The following RLN2 variants were observed in gnomAD, a reference collection of about 807,000 sequenced individuals.
RLN2 encodes relaxin 2, also known as prorelaxin H2.
Under a neutral mutation model 7.3 loss-of-function variants are expected in RLN2, and 10 were observed. The ratio of observed to expected loss-of-function variants is 1.36; its 90% CI spans 0.84 to 2.31. RLN2 has a LOEUF of 2.31. Ranked by LOEUF, RLN2 falls within the 30% of genes most tolerant of loss-of-function variation. The probability of loss-of-function intolerance (pLI) is 0.00; values close to 1 mark genes in which losing one functional copy is unlikely to be tolerated. For synonymous variants in RLN2, 103 were observed against 82.3 expected, an observed-to-expected ratio of 1.25 and a Z score of -1.36; for missense variants, 298 against 217.6, an observed-to-expected ratio of 1.37 and a Z score of -2.32.
chr9:5,333,818 A>G, the RLN2 span, among the ~76,000 whole-genome samples: 1 of 152,012 alleles, frequency 6.6e-6, no homozygotes, highest in East Asian at 1.9e-4. Flanking sequence ...AAGCTTATCC[A>G]CCCCAATCAA....
chr9:5,315,833 A>G, the RLN2 span, among the ~76,000 whole-genome samples: 2 of 152,070 alleles, frequency 1.3e-5, no homozygotes, highest in Non-Finnish European at 2.9e-5. Context: ...AGGTGAGAAT[A>G]CTATACTCAA....
At chr9:5,335,561 G>C in the RLN2 span, 1 of 1,610,694 alleles carries the variant, frequency 6.2e-7, no homozygotes. Flanking sequence ...GATAATTATA[G>C]TTTCTGTATC....
the RLN2 span, among the ~76,000 whole-genome samples, chr9:5,318,520 C>G: frequency 2.6e-3 from 400 of 151,890 alleles, 4 homozygotes; most frequent in Middle Eastern, 6.8e-3. Context: ...TGTTACTATA[C>G]CTTTCAAAGA....
At chr9:5,301,773 G>C (rs1478558663) in intron 1 of RLN2, among the ~76,000 whole-genome samples, 2 of 152,102 alleles carry the variant, frequency 1.3e-5, no homozygotes, top group African/African-American at 4.8e-5. Flanking sequence ...TCTGGCAAGA[G>C]ATTCAGTTGT....
At chr9:5,334,060 A>G in the RLN2 span, among the ~76,000 whole-genome samples, 6 of 152,062 alleles carry the variant, frequency 3.9e-5, no homozygotes, top group African/African-American at 1.5e-4. Flanking sequence ...CACAGCCAAT[A>G]GCATACTGAA....
chr9:5,304,837 G>T (rs1816214069), upstream of RLN2: 1 of 534,088 alleles, frequency 1.9e-6, no homozygotes, highest in African/African-American at 1.9e-5. Flanking sequence ...TCCTTCATTT[G>T]CCCATCCCTC....
At chr9:5,330,467 T>A in the RLN2 span, among the ~76,000 whole-genome samples, 2 of 151,090 alleles carry the variant, frequency 1.3e-5, no homozygotes, top group Admixed American at 1.3e-4. Context: ...TGAAACCCCA[T>A]CTCTACTAAA....
the RLN2 span, among the ~76,000 whole-genome samples, chr9:5,318,028 G>A: frequency 2.0e-5 from 3 of 151,852 alleles, no homozygotes; most frequent in African/African-American, 7.3e-5. Context: ...GTGTGTGTGT[G>A]TCTGTATACA....
chr9:5,335,840 T>A, the RLN2 span, among the ~76,000 whole-genome samples: 7 of 152,030 alleles, frequency 4.6e-5, no homozygotes, highest in African/African-American at 1.5e-4. Context: ...CTCTCTTCAT[T>A]ATCCCCTCAG....
At chr9:5,333,444 A>C in the RLN2 span, among the ~76,000 whole-genome samples, 6 of 152,182 alleles carry the variant, frequency 3.9e-5, no homozygotes, top group Non-Finnish European at 7.4e-5. Flanking sequence ...ACATTCCTGG[A>C]CACATACACC....
chr9:5,315,810 G>GA, the RLN2 span, among the ~76,000 whole-genome samples: 2 of 151,956 alleles, frequency 1.3e-5, no homozygotes, highest in African/African-American at 4.8e-5. Context: ...AGTGCTGAAA[G>GA]AAAAAAATTT....
In RLN2 at chr9:5,299,871, C is replaced by T. The variant is rs952654667; in HGVS notation, c.*227G>A. On this transcript the variant is annotated 3_prime_UTR_variant, in exon 2 of 2. Transcript: ENST00000381627. ...ATAAAAAGACAAAAAGGCTTTTCAG[C>T]AAAAAAATGTGTCATTTAATCACAC... 5.3e-6 allele frequency: 2 copies of T among 374,852 alleles called. No individual in the cohort carries two copies. The highest frequency in any genetic ancestry group is 8.3e-5 in the Admixed American group (2 of 23,998). 23.2% of individuals were successfully genotyped at this position (374,852 alleles called of 1,614,324 possible). A position where few individuals can be genotyped will look rare whatever the true frequency, so the allele number is the denominator to read the frequency against.
At chr9:5,313,204 C>G in the RLN2 span, among the ~76,000 whole-genome samples, 1 of 152,012 alleles carries the variant, frequency 6.6e-6, no homozygotes, top group Non-Finnish European at 1.5e-5. Flanking sequence ...ATATTGCACT[C>G]TATCTCTTCT....
At chr9:5,310,967 T>C in the RLN2 span, among the ~76,000 whole-genome samples, 1 of 152,132 alleles carries the variant, frequency 6.6e-6, no homozygotes, top group Non-Finnish European at 1.5e-5. Context: ...CTTCCTTTCT[T>C]GATTTAGATC....
the RLN2 span, among the ~76,000 whole-genome samples, chr9:5,337,429 G>C: frequency 1.3e-5 from 2 of 151,974 alleles, no homozygotes; most frequent in East Asian, 3.8e-4. Context: ...AAAATATTCT[G>C]TCTGAATTCA....
chr9:5,324,023 G>A, the RLN2 span, among the ~76,000 whole-genome samples: 1 of 151,656 alleles, frequency 6.6e-6, no homozygotes, highest in South Asian at 2.1e-4. Flanking sequence ...CTCCAGTCTG[G>A]GCAACAGAGT....
intron 1 of RLN2, among the ~76,000 whole-genome samples, chr9:5,300,866 A>G (rs896216239): frequency 1.3e-5 from 2 of 152,194 alleles, no homozygotes; most frequent in African/African-American, 2.4e-5. Flanking sequence ...ATGAGTTGTA[A>G]TAGTAACCCT....
At chr9:5,314,957 C>A in the RLN2 span, among the ~76,000 whole-genome samples, 1 of 151,820 alleles carries the variant, frequency 6.6e-6, no homozygotes, top group Non-Finnish European at 1.5e-5. Context: ...CAATGCTATG[C>A]CATGCCTTCC....
At chr9:5,314,139 C>A in the RLN2 span, among the ~76,000 whole-genome samples, 2 of 152,172 alleles carry the variant, frequency 1.3e-5, no homozygotes, top group African/African-American at 4.8e-5. Flanking sequence ...GGAGAAAATA[C>A]TCACCACTGT....
Sources: allele counts gnomAD v4.1 joint callset (sites outside exome capture counted in the v4.1 genomes callset), GRCh38; gene constraint gnomAD v4.1.1; transcripts MANE v1.5; gene names NCBI Gene and HGNC (gene_info 2026-07-23, HGNC 2026-07-21).